The following DIP2B variants were observed in gnomAD, a reference collection of about 807,000 sequenced individuals.
The protein encoded by DIP2B is DIP2 acetate--CoA ligase B (putative), also known as disco-interacting protein 2 homolog B.
DIP2B carries 76 observed loss-of-function variants against 198.0 expected under a neutral mutation model. That is an observed-to-expected ratio of 0.38 (90% CI 0.32 to 0.46). The LOEUF is 0.46. Ranked by LOEUF, DIP2B falls within the 20% of genes least tolerant of loss-of-function variation. The probability of loss-of-function intolerance (pLI) is 0.99; values close to 1 mark genes in which losing one functional copy is unlikely to be tolerated. For synonymous variants in DIP2B, 701 were observed against 739.1 expected, an observed-to-expected ratio of 0.95 and a Z score of 0.84; for missense variants, 1,559 against 1,978.4, an observed-to-expected ratio of 0.79 and a Z score of 4.02.
Position 50,742,394 on chromosome 12 carries a change from C to CAAA in DIP2B, c.4478+881_4478+883dup, listed in dbSNP as rs59566626. On this transcript the variant is annotated intron_variant, in intron 37 of 37. Coordinates refer to ENST00000301180, the MANE Select transcript of DIP2B (RefSeq NM_173602.3). ...CCCTGGTGACAGACTGAGACTGTCT[C>CAAA]AAAAAAAAAAAAAAAAAAAAAAAAA... Among the ~76,000 whole-genome samples, 124 of 47,466 alleles carry CAAA rather than the reference C, an allele frequency of 2.6e-3. 11 individuals carry two copies. Among genetic ancestry groups the CAAA allele is most frequent in the East Asian group, 0.011 (11 of 974 alleles). The allele number at this position is 47,466 out of a possible 152,430, so 31.1% of individuals were successfully genotyped here.
chr12:50,708,367 CCT>C lies in DIP2B; in HGVS notation c.2535-76_2535-75del. 3.1e-6 allele frequency: 4 copies of C among 1,300,830 alleles called. No individual in the cohort carries two copies. In the East Asian group the frequency reaches 7.6e-5, roughly 25 times the overall value. 80.6% of individuals were successfully genotyped at this position (1,300,830 alleles called of 1,614,324 possible). ...TTTGGGTAGCATGGTGGGGTTGTCT[CCT>C]CTCTGTAATTCCAGTTAAACAAAAC... On this transcript the variant is annotated intron_variant, in intron 21 of 37. Coordinates refer to ENST00000301180, the MANE Select transcript of DIP2B (RefSeq NM_173602.3).
At chr12:50,649,215 T>C (rs527586813) in intron 3 of DIP2B, among the ~76,000 whole-genome samples, 30 of 152,308 alleles carry the variant, frequency 2.0e-4, no homozygotes, top group African/African-American at 6.7e-4. Context: ...ATAAAAGCTA[T>C]CAAATTTATT....
At chr12:50,744,192 G>C (rs1285878741) in intron 37 of DIP2B, among the ~76,000 whole-genome samples, 1 of 152,130 alleles carries the variant, frequency 6.6e-6, no homozygotes, top group African/African-American at 2.4e-5. Flanking sequence ...AGTAGAGGCG[G>C]GATTTCGCCA....
chr12:50,696,948 A>T, intron 16 of DIP2B, 113 bp from the exon 17 acceptor site: 2 of 738,430 alleles, frequency 2.7e-6, no homozygotes, highest in South Asian at 3.8e-5. Context: ...TTAACAATAT[A>T]CAATATGAGT....
chr12:50,517,962 C>T (rs1259012123), intron 1 of DIP2B, among the ~76,000 whole-genome samples: 3 of 152,182 alleles, frequency 2.0e-5, no homozygotes, highest in African/African-American at 4.8e-5. Flanking sequence ...TTATTGAGAG[C>T]TTATGATGTA....
At chr12:50,737,273 T>C (rs1184562258) in intron 35 of DIP2B, among the ~76,000 whole-genome samples, 163 bp downstream of exon 35, 1 of 152,136 alleles carries the variant, frequency 6.6e-6, no homozygotes, top group Non-Finnish European at 1.5e-5. Context: ...AAGAGGGAGA[T>C]TGAAACTGGG....
At chr12:50,734,058 A>G in intron 32 of DIP2B, 77 bp from the exon 33 acceptor site, 1 of 1,532,798 alleles carries the variant, frequency 6.5e-7, no homozygotes, top group Non-Finnish European at 9.0e-7. Context: ...GTATATGGCT[A>G]AATTATTTCT....
chr12:50,595,753 C>T (rs930565437), intron 1 of DIP2B, among the ~76,000 whole-genome samples: 2 of 152,146 alleles, frequency 1.3e-5, no homozygotes, highest in African/African-American at 2.4e-5. Context: ...TATTGATTTA[C>T]ATTATAAAAT....
Position 50,686,696 on chromosome 12 carries a change from T to C in DIP2B, c.1551+14T>C, listed in dbSNP as rs1181886951. ...GCATACATTGAGGTAAGTCCTAAGA[T>C]GTAAAATATGCTTTCAGGCTTTTCC... On this transcript the variant is annotated intron_variant, in intron 12 of 37. Transcript: ENST00000301180. The C allele has an allele frequency of 2.5e-6, 4 of 1,605,530 alleles. No individual in the cohort carries two copies. The African/African-American group carries it at 5.4e-5, about 21-fold the overall frequency.
intron 37 of DIP2B, among the ~76,000 whole-genome samples, chr12:50,743,007 G>A (rs1044119523): frequency 1.3e-5 from 2 of 152,162 alleles, no homozygotes; most frequent in Admixed American, 1.3e-4. Context: ...AGGGAAGCTG[G>A]GTGCTGTGGT....
At chr12:50,564,299 C>T (rs1206433836) in intron 1 of DIP2B, among the ~76,000 whole-genome samples, 1 of 152,156 alleles carries the variant, frequency 6.6e-6, no homozygotes, top group Non-Finnish European at 1.5e-5. Context: ...TTTTCAACTT[C>T]CCACTGCTGC....
intron 19 of DIP2B, among the ~76,000 whole-genome samples, chr12:50,703,514 C>G (rs1361687442): frequency 1.3e-5 from 2 of 152,162 alleles, no homozygotes; most frequent in Non-Finnish European, 2.9e-5. Flanking sequence ...GCCTATCCAG[C>G]TGTAATAAAA....
chr12:50,700,752 G>A (rs567275892), intron 19 of DIP2B, among the ~76,000 whole-genome samples: 2 of 152,296 alleles, frequency 1.3e-5, no homozygotes, highest in Admixed American at 1.3e-4. Context: ...ACCATGCCAG[G>A]AGTGGGCATT....
intron 3 of DIP2B, among the ~76,000 whole-genome samples, chr12:50,648,274 T>A (rs1277080454): frequency 6.6e-6 from 1 of 152,222 alleles, no homozygotes; most frequent in Non-Finnish European, 1.5e-5. Flanking sequence ...TTGTTACTAA[T>A]GAGGTTGGAC....
At chr12:50,596,202 T>C (rs577076757) in intron 1 of DIP2B, among the ~76,000 whole-genome samples, 1 of 152,336 alleles carries the variant, frequency 6.6e-6, no homozygotes, top group Non-Finnish European at 1.5e-5. Context: ...AAAGGAGTCT[T>C]TAACAGGGAT....
intron 1 of DIP2B, among the ~76,000 whole-genome samples, chr12:50,519,456 G>A (rs1286718291): frequency 1.3e-5 from 2 of 152,100 alleles, no homozygotes. Context: ...AAAGTGAAAG[G>A]TAATTTTATG....
chr12:50,681,160 G>A (rs1939033494), intron 9 of DIP2B, among the ~76,000 whole-genome samples: 1 of 152,168 alleles, frequency 6.6e-6, no homozygotes, highest in Admixed American at 6.5e-5. Flanking sequence ...GCTGGGTGCA[G>A]TGGTTCACAC....
chr12:50,585,661 A>G (rs767272958), intron 1 of DIP2B, among the ~76,000 whole-genome samples: 2 of 152,202 alleles, frequency 1.3e-5, no homozygotes, highest in Non-Finnish European at 2.9e-5. Flanking sequence ...AGATCACTTA[A>G]GGCTTCCCAG....
At position 50,721,321 on chromosome 12, in the gene DIP2B, GA is replaced by G; in HGVS notation, c.3092del (p.Glu1031GlyfsTer13). 6.2e-7 allele frequency: 1 copy of G among 1,614,222 alleles called. No homozygotes were observed. Among genetic ancestry groups the G allele is most frequent in the Non-Finnish European group, 8.5e-7 (1 of 1,180,034 alleles). ...ASCLQLHKRA[E>X]RIASVLGDKG... ...CTGCCTTCAGCTTCATAAGCGAGCA[GA>G]GAGGATTGCATCTGTTCTTGGTGAT... On this transcript the variant is annotated frameshift_variant, in exon 26 of 38. Transcript: ENST00000301180. LOFTEE classifies it high-confidence loss of function.
Sources: gnomAD v4.1 joint callset for allele counts (sites outside exome capture counted in the v4.1 genomes callset) on GRCh38, gnomAD v4.1.1 for gene constraint, MANE v1.5 for transcripts, NCBI Gene and HGNC (gene_info 2026-07-23, HGNC 2026-07-21) for gene names.